The following PALM2AKAP2 variants were observed in gnomAD, a reference collection of about 807,000 sequenced individuals.
The protein encoded by PALM2AKAP2 is PALM2 and AKAP2 fusion, also known as PALM2-AKAP2 fusion protein.
In PALM2AKAP2, 37 loss-of-function variants were observed where a neutral mutation model predicts 71.5. That is an observed-to-expected ratio of 0.52 (90% CI 0.40 to 0.68). The LOEUF is 0.68. Ranked by LOEUF, PALM2AKAP2 falls within the 30% of genes least tolerant of loss-of-function variation. The probability of loss-of-function intolerance (pLI) is 0.00; values close to 1 mark genes in which losing one functional copy is unlikely to be tolerated. For synonymous variants in PALM2AKAP2, 468 were observed against 478.8 expected, an observed-to-expected ratio of 0.98 and a Z score of 0.29; for missense variants, 1,224 against 1,191.8, an observed-to-expected ratio of 1.03 and a Z score of -0.40.
At chr9:109,981,526 T>C (rs1461309022) in intron 6 of PALM2AKAP2, among the ~76,000 whole-genome samples, 1 of 152,230 alleles carries the variant, frequency 6.6e-6, no homozygotes, top group Admixed American at 6.5e-5. Context: ...GATATTCTGA[T>C]CAGGCCAATG....
At chr9:109,940,202 T>C (rs1036154679) in intron 6 of PALM2AKAP2, among the ~76,000 whole-genome samples, 3 of 152,198 alleles carry the variant, frequency 2.0e-5, no homozygotes, top group African/African-American at 4.8e-5. Context: ...TGGATAGGTG[T>C]TGGGCAAGAA....
chr9:110,147,673 G>A (rs1191645487), intron 2 of PALM2AKAP2, among the ~76,000 whole-genome samples: 3 of 152,182 alleles, frequency 2.0e-5, no homozygotes, highest in Admixed American at 6.5e-5. Flanking sequence ...CTCAGGAGGC[G>A]AGGTGGGAGG....
rs865837824 is a variant in PALM2AKAP2 at position 110,097,408 on chromosome 9, C to G, written c.157-38719C>G. The stretch of plus-strand genomic sequence containing the variant: ...TCTCAATCTTTTCCCCACCTTTCCC[C>G]CCTTTCTATTCCACAAAACTGCCAT... On this transcript the variant is annotated intron_variant, in intron 1 of 3. Coordinates refer to ENST00000374525, the Ensembl canonical transcript of PALM2AKAP2. 8.1e-3 allele frequency among the ~76,000 whole-genome samples: 1,224 copies of G among 150,340 alleles called. 18 individuals are homozygous for G. The highest frequency in any genetic ancestry group is 0.029 in the African/African-American group (1,149 of 40,244).
intron 1 of PALM2AKAP2, among the ~76,000 whole-genome samples, chr9:110,076,290 A>G (rs1308442393): frequency 6.6e-6 from 1 of 151,882 alleles, no homozygotes; most frequent in Non-Finnish European, 1.5e-5. Context: ...AATTTTACCT[A>G]GATAAATGCT....
chr9:109,906,944 A>G (rs753877772), intron 3 of PALM2AKAP2, among the ~76,000 whole-genome samples: 14 of 152,110 alleles, frequency 9.2e-5, no homozygotes, highest in Non-Finnish European at 1.9e-4. Flanking sequence ...TCATGAGTGC[A>G]CTCAGATAGG....
chr9:110,072,550 G>A (rs1263848870), intron 1 of PALM2AKAP2, among the ~76,000 whole-genome samples: 1 of 152,228 alleles, frequency 6.6e-6, no homozygotes, highest in Non-Finnish European at 1.5e-5. Flanking sequence ...CTAAGGATTT[G>A]TTGCAAGGAT....
intron 1 of PALM2AKAP2, among the ~76,000 whole-genome samples, chr9:109,746,761 C>A (rs574025618): frequency 6.6e-6 from 1 of 152,248 alleles, no homozygotes; most frequent in Admixed American, 6.5e-5. Context: ...ATTTTATCTT[C>A]ATTTTGCAGA....
intron 1 of PALM2AKAP2, among the ~76,000 whole-genome samples, chr9:109,757,530 A>G (rs1437893437): frequency 6.6e-6 from 1 of 152,132 alleles, no homozygotes; most frequent in Non-Finnish European, 1.5e-5. Context: ...CAGAAGTTCA[A>G]GCTGTGCATT....
chr9:110,138,666 A>C, intron 2 of PALM2AKAP2, 127 bp downstream of exon 8: 1 of 1,431,620 alleles, frequency 7.0e-7, no homozygotes, highest in Non-Finnish European at 9.1e-7. Flanking sequence ...GGACACTGGC[A>C]TGAGAATTCC....
chr9:109,938,817 T>C (rs528558599), intron 6 of PALM2AKAP2, among the ~76,000 whole-genome samples: 1 of 152,206 alleles, frequency 6.6e-6, no homozygotes, highest in African/African-American at 2.4e-5. Flanking sequence ...TCGCTTGAGG[T>C]CAGGAGTTTG....
chr9:110,090,555 A>AC (rs1310519368), intron 1 of PALM2AKAP2: 1 of 388,678 alleles, frequency 2.6e-6, no homozygotes, highest in African/African-American at 2.1e-5. Flanking sequence ...GCATTGAGTC[A>AC]CCCAGAGAGA....
At chr9:109,822,737 C>T (rs563709371) in intron 1 of PALM2AKAP2, among the ~76,000 whole-genome samples, 28 of 152,210 alleles carry the variant, frequency 1.8e-4, no homozygotes, top group South Asian at 6.2e-4. Context: ...TTGTATTCCA[C>T]GGTGTATATG....
intron 1 of PALM2AKAP2, among the ~76,000 whole-genome samples, chr9:109,837,525 A>G (rs1449152265): frequency 6.6e-6 from 1 of 152,228 alleles, no homozygotes; most frequent in Non-Finnish European, 1.5e-5. Context: ...TTCACACATC[A>G]TAATATTAAC....
At chr9:109,780,905 G>C (rs540742003) in intron 1 of PALM2AKAP2, among the ~76,000 whole-genome samples, 1 of 152,156 alleles carries the variant, frequency 6.6e-6, no homozygotes, top group African/African-American at 2.4e-5. Flanking sequence ...TGACCTGAAC[G>C]GTGGCTGCCA....
intron 5 of PALM2AKAP2, among the ~76,000 whole-genome samples, chr9:109,925,419 T>G (rs951621007): frequency 1.3e-5 from 2 of 152,106 alleles, no homozygotes; most frequent in Non-Finnish European, 2.9e-5. Flanking sequence ...CTTGTAGGGA[T>G]GAGCCCATTT....
At chr9:109,797,185 G>C (rs962674809) in intron 1 of PALM2AKAP2, among the ~76,000 whole-genome samples, 2 of 152,068 alleles carry the variant, frequency 1.3e-5, no homozygotes, top group Admixed American at 1.3e-4. Flanking sequence ...ATCTCTCTCA[G>C]CTGGGTTGTG....
At chr9:109,867,190 GTGTGTGTGTGTGTGTC>G (rs1474197602) in intron 1 of PALM2AKAP2, 6 of 434,918 alleles carry the variant, frequency 1.4e-5, no homozygotes, top group African/African-American at 8.2e-5. Flanking sequence ...GTGTGTGTGT[GTGTGTGTGTGTGTGTC>G]TGTGTGTGTG....
At chr9:109,702,610 G>C (rs1379377478) in intron 1 of PALM2AKAP2, among the ~76,000 whole-genome samples, 2 of 151,190 alleles carry the variant, frequency 1.3e-5, no homozygotes, top group South Asian at 2.1e-4. Flanking sequence ...GGGGTAGGGG[G>C]GAGGGATAGC....
At chr9:110,152,397 A>T (rs1836340647) in intron 2 of PALM2AKAP2, among the ~76,000 whole-genome samples, 1 of 152,158 alleles carries the variant, frequency 6.6e-6, no homozygotes, top group African/African-American at 2.4e-5. Context: ...GGGAGTAAGC[A>T]AAGCTGGACC....
Sources: allele counts gnomAD v4.1 joint callset (sites outside exome capture counted in the v4.1 genomes callset), GRCh38; gene constraint gnomAD v4.1.1; transcripts MANE v1.5; gene names NCBI Gene and HGNC (gene_info 2026-07-23, HGNC 2026-07-21).